The following LRBA variants were observed in gnomAD, a reference collection of about 807,000 sequenced individuals.
LRBA encodes the protein lipopolysaccharide-responsive and beige-like anchor protein.
Under a neutral mutation model 330.0 loss-of-function variants are expected in LRBA, and 176 were observed. That is an observed-to-expected ratio of 0.53 (90% CI 0.47 to 0.60). The LOEUF (loss-of-function observed/expected upper bound fraction) is 0.60. LRBA is among the 20% of genes least tolerant of loss of function. The probability of loss-of-function intolerance (pLI) is 0.00; values close to 1 mark genes in which losing one functional copy is unlikely to be tolerated. For missense variants in LRBA, 3,259 were observed against 3,444.8 expected (o/e 0.95, Z 1.35); for synonymous variants, 1,230 against 1,193.0 (o/e 1.03, Z -0.64).
Position 150,583,754 on chromosome 4 carries a change from T to C in LRBA, c.6330+4294A>G. On this transcript the variant is annotated intron_variant, in intron 40 of 56. Transcript: ENST00000651943. This position sits in a 1 kb window ranked among gnomAD's most constrained non-coding sequence, Gnocchi z 9.8. ...TTCGGGGAGGCGGAGAACCGCCTGC[T>C]GATGGGCGGCTGCCGAAACAAGTGC... 1 of 1,613,888 alleles carries C rather than the reference T, an allele frequency of 6.2e-7. No individual in the cohort carries two copies. Among genetic ancestry groups the C allele is most frequent in the South Asian group, 1.1e-5 (1 of 91,020 alleles).
At chr4:150,642,774 CAG>C (rs1405258605) in intron 37 of LRBA, among the ~76,000 whole-genome samples, 19 of 151,812 alleles carry the variant, frequency 1.3e-4, no homozygotes, top group African/African-American at 4.1e-4. Context: ...AGTTATAAGA[CAG>C]ATAATTAAAC....
intron 40 of LRBA, 80 bp downstream of exon 40, chr4:150,587,968 C>A: frequency 7.0e-7 from 1 of 1,438,020 alleles, no homozygotes; most frequent in South Asian, 1.6e-5. Context: ...CTAAGCCTGT[C>A]AGATTTACCA....
intron 48 of LRBA, among the ~76,000 whole-genome samples, chr4:150,349,234 C>T (rs1421066410): frequency 6.6e-6 from 1 of 152,154 alleles, no homozygotes; most frequent in Non-Finnish European, 1.5e-5. Flanking sequence ...AAATCTCACA[C>T]ATTACAAATA....
At chr4:150,823,616 A>C (rs913564517) in intron 30 of LRBA, among the ~76,000 whole-genome samples, 1 of 152,064 alleles carries the variant, frequency 6.6e-6, no homozygotes, top group Non-Finnish European at 1.5e-5. Context: ...TAAGTCTTTA[A>C]TCCATTTTGA....
At chr4:150,381,217 T>C (rs969500838) in intron 47 of LRBA, among the ~76,000 whole-genome samples, 1 of 152,138 alleles carries the variant, frequency 6.6e-6, no homozygotes, top group Non-Finnish European at 1.5e-5. Flanking sequence ...ATAACTCACA[T>C]ACCACAGAAT....
At chr4:150,994,192 C>T (rs1036162937) in intron 2 of LRBA, among the ~76,000 whole-genome samples, 1 of 152,040 alleles carries the variant, frequency 6.6e-6, no homozygotes, top group Admixed American at 6.6e-5. Flanking sequence ...CCAACCCCAC[C>T]ACCATCACCA....
intron 29 of LRBA, among the ~76,000 whole-genome samples, chr4:150,831,199 T>A (rs1026995058): frequency 6.7e-6 from 1 of 148,594 alleles, no homozygotes; most frequent in African/African-American, 2.6e-5. Flanking sequence ...TTTATTACTT[T>A]CTTTTTTTTT....
intron 44 of LRBA, among the ~76,000 whole-genome samples, chr4:150,437,571 TA>T (rs1751289167): frequency 6.6e-6 from 1 of 150,526 alleles, no homozygotes; most frequent in Non-Finnish European, 1.5e-5. Flanking sequence ...TATATCGCAT[TA>T]AAAAAAGAAT....
At chr4:150,906,448 AT>A (rs774224827) in intron 11 of LRBA, 43 bp from the exon 12 acceptor site, 99 of 1,111,994 alleles carry the variant, frequency 8.9e-5, no homozygotes, top group Non-Finnish European at 1.1e-4. Flanking sequence ...AACATATTCT[AT>A]TTTTTTTAAA....
At chr4:150,625,088 G>T (rs1345787606) in intron 37 of LRBA, among the ~76,000 whole-genome samples, 1 of 152,098 alleles carries the variant, frequency 6.6e-6, no homozygotes, top group Non-Finnish European at 1.5e-5. Context: ...ACAATTACCA[G>T]GAGTAGGAAA....
intron 4 of LRBA, among the ~76,000 whole-genome samples, chr4:150,924,855 G>C (rs1733714617): frequency 6.6e-6 from 1 of 151,846 alleles, no homozygotes; most frequent in Admixed American, 6.6e-5. Flanking sequence ...ATATTAACAT[G>C]TTTAATCTTT....
intron 56 of LRBA, among the ~76,000 whole-genome samples, chr4:150,266,539 C>G (rs1235464914): frequency 6.6e-6 from 1 of 152,136 alleles, no homozygotes; most frequent in East Asian, 1.9e-4. Context: ...TGGTTAGGAC[C>G]AGCCCTTAGA....
chr4:150,499,214 C>A (rs1367238142), intron 40 of LRBA, among the ~76,000 whole-genome samples: 1 of 152,138 alleles, frequency 6.6e-6, no homozygotes, highest in Non-Finnish European at 1.5e-5. Context: ...TTCTTCCTTA[C>A]ATGTACGGTA....
chr4:150,740,918 G>T (rs544222042), intron 35 of LRBA, among the ~76,000 whole-genome samples: 4 of 152,084 alleles, frequency 2.6e-5, no homozygotes, highest in African/African-American at 9.6e-5. Context: ...TAAGTAAGAT[G>T]GTCTTTTCCA....
chr4:150,688,721 T>C (rs908458622), intron 36 of LRBA, among the ~76,000 whole-genome samples: 11 of 152,132 alleles, frequency 7.2e-5, no homozygotes. Context: ...CACTGGTCAT[T>C]AGAGAAATCC....
intron 36 of LRBA, among the ~76,000 whole-genome samples, chr4:150,691,761 G>A (rs1261941427): frequency 6.6e-6 from 1 of 152,064 alleles, no homozygotes; most frequent in Non-Finnish European, 1.5e-5. Context: ...AATGCCCATG[G>A]TGCATTTAGT....
chr4:150,753,097 A>G (rs753373036), intron 35 of LRBA, among the ~76,000 whole-genome samples: 1 of 152,160 alleles, frequency 6.6e-6, no homozygotes, highest in Non-Finnish European at 1.5e-5. Flanking sequence ...ATTCATAGAA[A>G]TTCATCTTTT....
chr4:150,963,239 G>A (rs942279501), intron 2 of LRBA, among the ~76,000 whole-genome samples: 6 of 148,142 alleles, frequency 4.1e-5, no homozygotes, highest in East Asian at 1.9e-4. Flanking sequence ...ATGCCGAGCC[G>A]AGGCTGGACT....
At chr4:150,410,719 A>C (rs1236436517) in intron 47 of LRBA, among the ~76,000 whole-genome samples, 3 of 152,186 alleles carry the variant, frequency 2.0e-5, no homozygotes, top group Admixed American at 2.0e-4. Context: ...TCCATAAGCA[A>C]GCACCCAATA....
Sources: allele counts gnomAD v4.1 joint callset (sites outside exome capture counted in the v4.1 genomes callset), GRCh38; gene constraint gnomAD v4.1.1; non-coding constraint Gnocchi (gnomAD v3.1); transcripts MANE v1.5; gene names NCBI Gene and HGNC (gene_info 2026-07-23, HGNC 2026-07-21).